Variants in LRP1B observed in about 807,000 individuals in gnomAD.
LRP1B encodes the protein LDL receptor related protein 1B.
LRP1B carries 217 observed loss-of-function variants against 556.6 expected under a neutral mutation model. That is an observed-to-expected ratio of 0.39 (90% CI 0.35 to 0.44). The LOEUF (loss-of-function observed/expected upper bound fraction) is 0.44. Among genes scored for constraint, LRP1B ranks in the 20% least tolerant of loss-of-function variants. The probability of loss-of-function intolerance (pLI) is 1.00; values close to 1 mark genes in which losing one functional copy is unlikely to be tolerated. For missense variants in LRP1B, 5,053 were observed against 5,620.8 expected, an observed-to-expected ratio of 0.90 and a Z score of 3.23; for synonymous variants, 2,047 against 1,865.8, an observed-to-expected ratio of 1.10 and a Z score of -2.50.
At chr2:141,543,397 C>A (rs1014651635) in intron 2 of LRP1B, among the ~76,000 whole-genome samples, 1 of 151,482 alleles carries the variant, frequency 6.6e-6, no homozygotes, top group Non-Finnish European at 1.5e-5. Flanking sequence ...CACCTGTAGT[C>A]CCAGCTTCTC....
intron 75 of LRP1B, among the ~76,000 whole-genome samples, chr2:140,354,724 T>C (rs986302298): frequency 1.7e-4 from 26 of 152,004 alleles, no homozygotes; most frequent in African/African-American, 6.3e-4. Flanking sequence ...ATCATGAGCT[T>C]TTGAAGGGGA....
chr2:140,948,592 C>A (rs186902148), intron 20 of LRP1B, among the ~76,000 whole-genome samples: 1 of 152,284 alleles, frequency 6.6e-6, no homozygotes, highest in South Asian at 2.1e-4. Flanking sequence ...GATTTTGAAG[C>A]AAAATTGAAT....
intron 10 of LRP1B, 53 bp from the exon 11 acceptor site, chr2:141,049,275 A>G: frequency 1.7e-6 from 2 of 1,152,958 alleles, no homozygotes; most frequent in South Asian, 2.5e-5. Context: ...AATCTTCTTT[A>G]CACTGCATAA....
chr2:140,827,136 A>T (rs962002511), intron 31 of LRP1B, among the ~76,000 whole-genome samples: 38 of 152,180 alleles, frequency 2.5e-4, no homozygotes, highest in Non-Finnish European at 4.7e-4. Flanking sequence ...ACTGCAAAGA[A>T]ACTCTAAGCA....
intron 1 of LRP1B, among the ~76,000 whole-genome samples, chr2:142,043,818 G>A (rs888176065): frequency 6.6e-6 from 1 of 151,472 alleles, no homozygotes; most frequent in Non-Finnish European, 1.5e-5. Flanking sequence ...ATTTTCTAGG[G>A]TCATATTTTA....
intron 1 of LRP1B, among the ~76,000 whole-genome samples, chr2:141,930,066 C>A (rs1000721631): frequency 6.6e-6 from 1 of 151,784 alleles, no homozygotes; most frequent in Non-Finnish European, 1.5e-5. Context: ...CTACCAATTG[C>A]CCAAAAGAGC....
rs948661111 is a variant in LRP1B at position 140,287,479 on chromosome 2, C to G, written c.12967+10329G>C. ...ATTTGTTTCTGCCAATAAGTTGATT[C>G]ATTTCTGTCAGTTGATTTTCAAGGA... On this transcript the variant is annotated intron_variant, in intron 84 of 90. Coordinates refer to ENST00000389484, the MANE Select transcript of LRP1B (RefSeq NM_018557.3). Among the ~76,000 whole-genome samples, 9 of 151,786 alleles carry G rather than the reference C, an allele frequency of 5.9e-5. No homozygotes were observed. The South Asian group carries it at 1.5e-3, about 24-fold the overall frequency.
At chr2:141,155,850 T>C (rs570725255) in intron 7 of LRP1B, among the ~76,000 whole-genome samples, 1 of 152,180 alleles carries the variant, frequency 6.6e-6, no homozygotes. Flanking sequence ...ATTAAATTAA[T>C]ATTCATTTTA....
At chr2:141,309,095 C>A (rs1388596396) in intron 3 of LRP1B, among the ~76,000 whole-genome samples, 1 of 152,150 alleles carries the variant, frequency 6.6e-6, no homozygotes, top group Non-Finnish European at 1.5e-5. Context: ...CTTGTAAAAT[C>A]TTGGTTGGAA....
intron 3 of LRP1B, among the ~76,000 whole-genome samples, chr2:141,294,559 C>CAA (rs112120846): frequency 7.2e-6 from 1 of 139,470 alleles, no homozygotes. Flanking sequence ...CCTGACTCTA[C>CAA]AAAAAAAAAA....
At chr2:141,024,835 G>A (rs1698173572) in intron 11 of LRP1B, among the ~76,000 whole-genome samples, 1 of 151,954 alleles carries the variant, frequency 6.6e-6, no homozygotes, top group African/African-American at 2.4e-5. Context: ...GGTCCATATG[G>A]ATGCTTTCAT....
intron 2 of LRP1B, among the ~76,000 whole-genome samples, chr2:141,747,455 T>A (rs1275306557): frequency 6.6e-6 from 1 of 152,158 alleles, no homozygotes; most frequent in Non-Finnish European, 1.5e-5. Context: ...TGATTACAAC[T>A]CTGCAAATAT....
intron 52 of LRP1B, among the ~76,000 whole-genome samples, chr2:140,507,511 C>A (rs10192329): frequency 0.045 from 6,788 of 152,044 alleles, 386 homozygotes; most frequent in African/African-American, 0.14. Flanking sequence ...AAGTACCACA[C>A]AAATGAAATG....
intron 2 of LRP1B, among the ~76,000 whole-genome samples, chr2:141,573,466 G>A (rs945152249): frequency 6.6e-6 from 1 of 152,048 alleles, no homozygotes; most frequent in Non-Finnish European, 1.5e-5. Flanking sequence ...GAAATTTATA[G>A]CACTAAATGC....
At chr2:141,846,127 A>C (rs1406053489) in intron 1 of LRP1B, among the ~76,000 whole-genome samples, 1 of 151,716 alleles carries the variant, frequency 6.6e-6, no homozygotes, top group African/African-American at 2.4e-5. Context: ...AATTAACAAA[A>C]CCACAAGCTT....
intron 43 of LRP1B, among the ~76,000 whole-genome samples, chr2:140,591,120 A>C (rs1178456288): frequency 1.3e-5 from 2 of 152,228 alleles, no homozygotes; most frequent in Non-Finnish European, 2.9e-5. Context: ...AATACTTAAA[A>C]TATACTGAAA....
intron 41 of LRP1B, among the ~76,000 whole-genome samples, chr2:140,614,752 A>G (rs1296355467): frequency 6.6e-6 from 1 of 152,170 alleles, no homozygotes; most frequent in Non-Finnish European, 1.5e-5. Flanking sequence ...AATCTCCCAT[A>G]TAACATTGAC....
At chr2:140,291,318 A>ATTTTTTTTTT (rs1553440648) in intron 84 of LRP1B, among the ~76,000 whole-genome samples, 40 of 109,322 alleles carry the variant, frequency 3.7e-4, no homozygotes, top group Admixed American at 8.6e-4. Context: ...ATATATATAT[A>ATTTTTTTTTT]TTTTTATTAT....
At chr2:141,600,868 G>C (rs544599841) in intron 2 of LRP1B, among the ~76,000 whole-genome samples, 4 of 152,240 alleles carry the variant, frequency 2.6e-5, no homozygotes, top group African/African-American at 9.6e-5. Context: ...TCACAAGGAA[G>C]TGGTTTAGTT....
Sources: gnomAD v4.1 joint callset for allele counts (sites outside exome capture counted in the v4.1 genomes callset) on GRCh38, gnomAD v4.1.1 for gene constraint, MANE v1.5 for transcripts, NCBI Gene and HGNC (gene_info 2026-07-23, HGNC 2026-07-21) for gene names.